Variants in CLEC7A observed in about 807,000 individuals in gnomAD.
The protein encoded by CLEC7A is C-type lectin domain family 7 member A.
A neutral mutation model predicts 26.9 loss-of-function variants in CLEC7A; 25 were observed. The ratio of observed to expected loss-of-function variants is 0.93; its 90% CI spans 0.68 to 1.30. The LOEUF is 1.30. Ranked by LOEUF, CLEC7A falls within the 50% of genes most tolerant of loss-of-function variation. The pLI is 0.00. For missense variants in CLEC7A, 275 were observed against 286.7 expected (o/e 0.96, Z 0.29); for synonymous variants, 100 against 99.5 (o/e 1.01, Z -0.03).
At position 10,123,249 on chromosome 12, in the gene CLEC7A, T is replaced by G; in HGVS notation, c.607A>C (p.Asn203His). Residue 203 changes from asparagine to histidine, a missense_variant, in exon 5 of 6, where the codon AAC (asparagine) becomes CAC (histidine). Coordinates refer to ENST00000304084, the MANE Select transcript of CLEC7A (RefSeq NM_197947.3). The part of the protein sequence containing the change: ...LWEDGSTFSS[N>H]LFQIRTTATQ... ...ATTGTCTCTCCAAACACTTACAAGT[T>G]AGAAGAGAATGTTGATCCATCCTCC... The G allele has an allele frequency of 6.3e-7, 1 of 1,585,062 alleles. No individual in the cohort carries two copies. The highest frequency in any genetic ancestry group is 1.1e-5 in the South Asian group (1 of 90,406).
Position 10,117,234 on chromosome 12 carries a change from T to A in CLEC7A, c.*1224A>T, listed in dbSNP as rs1485031773. On this transcript the variant is annotated 3_prime_UTR_variant, in exon 6 of 6. Transcript: ENST00000304084. Reference sequence around the variant, plus strand: ...GAGCAGTTTCCCTACAATTACATATTATACAAGATTCTAGGCTGGGTGCAG... The same window carrying A: ...GAGCAGTTTCCCTACAATTACATATAATACAAGATTCTAGGCTGGGTGCAG... 1 of 152,172 alleles carries A rather than the reference T, an allele frequency of 6.6e-6. No individual in the cohort carries two copies. Among genetic ancestry groups the A allele is most frequent in the Non-Finnish European group, 1.5e-5 (1 of 68,032 alleles). The allele number at this position is 152,172 out of a possible 1,614,324, so 9.4% of individuals were successfully genotyped here.
At chr12:10,128,506 G>A (rs1948382395) in intron 1 of CLEC7A, among the ~76,000 whole-genome samples, 1 of 152,152 alleles carries the variant, frequency 6.6e-6, no homozygotes, top group Non-Finnish European at 1.5e-5. Context: ...ATAGCTTAAT[G>A]TTGGGGAGAT....
At position 10,118,112 on chromosome 12, in the gene CLEC7A, A is replaced by T. The variant is rs1947964897; in HGVS notation, c.*346T>A. 4.7e-6 allele frequency: 1 copy of T among 211,026 alleles called. No individual in the cohort carries two copies. The highest frequency in any genetic ancestry group is 9.4e-6 in the Non-Finnish European group (1 of 105,980). 13.1% of individuals were successfully genotyped at this position (211,026 alleles called of 1,614,324 possible). A position where few individuals can be genotyped will look rare whatever the true frequency, so the allele number is the denominator to read the frequency against. On this transcript the variant is annotated 3_prime_UTR_variant, in exon 6 of 6. Transcript: ENST00000304084. Reference sequence around the variant, plus strand: ...CAGCTACTTGAGGGGCTGAGGCGAGAGATAGCTGCAGTGAGTCGAGATTGT... The same window carrying T: ...CAGCTACTTGAGGGGCTGAGGCGAGTGATAGCTGCAGTGAGTCGAGATTGT...
chr12:10,120,073 A>C (rs1411663713), intron 5 of CLEC7A, among the ~76,000 whole-genome samples: 9 of 151,848 alleles, frequency 5.9e-5, no homozygotes, highest in Admixed American at 5.2e-4. Context: ...TTTTAATGGT[A>C]GATTAGCCAC....
chr12:10,126,443 A>G (rs921897199), intron 3 of CLEC7A, 128 bp downstream of exon 3: 1 of 1,443,718 alleles, frequency 6.9e-7, no homozygotes, highest in Non-Finnish European at 9.1e-7. Flanking sequence ...GGTAATACTA[A>G]TATGTGTATT....
intron 4 of CLEC7A, chr12:10,125,049 A>AT (rs1565405984): frequency 2.1e-6 from 1 of 481,026 alleles, no homozygotes; most frequent in East Asian, 3.9e-5. Context: ...ATACAAAAAA[A>AT]CATTAGACGA....
At chr12:10,126,407 T>G (rs1399480141) in intron 3 of CLEC7A, 164 bp downstream of exon 3, 1 of 978,652 alleles carries the variant, frequency 1.0e-6, no homozygotes, top group Admixed American at 6.2e-5. Flanking sequence ...CCTTATTGTA[T>G]ATATGACAGG....
chr12:10,125,509 A>G (rs1331452439), intron 3 of CLEC7A, 61 bp from the exon 4 acceptor site: 5 of 1,391,080 alleles, frequency 3.6e-6, no homozygotes, highest in Non-Finnish European at 4.8e-6. Flanking sequence ...TTTTAGTGTG[A>G]ACACCATTCA....
intron 5 of CLEC7A, among the ~76,000 whole-genome samples, chr12:10,121,546 AAAAC>A (rs1285556579): frequency 1.3e-5 from 2 of 152,210 alleles, no homozygotes; most frequent in African/African-American, 4.8e-5. Flanking sequence ...CCTGAAACCT[AAAAC>A]AAAGAGATAA....
intron 1 of CLEC7A, among the ~76,000 whole-genome samples, chr12:10,129,605 T>C (rs1948421486): frequency 1.3e-5 from 2 of 152,060 alleles, no homozygotes; most frequent in African/African-American, 4.8e-5. Flanking sequence ...CTTATATCTT[T>C]TTGTTTTGTT....
chr12:10,126,724 A>G lies in CLEC7A; in HGVS notation c.203-16T>C, dbSNP rs1041843757. ...CTCCAAATAGCTTCACATACCAACA[A>G]TAATAATAGTGACAGAAAAAATGTC... On this transcript the variant is annotated splice_polypyrimidine_tract_variant and intron_variant, in intron 2 of 5. Coordinates refer to ENST00000304084, the MANE Select transcript of CLEC7A (RefSeq NM_197947.3). 7 of 1,586,110 alleles carry G rather than the reference A, an allele frequency of 4.4e-6. No homozygotes were observed. Among genetic ancestry groups the G allele is most frequent in the African/African-American group, 4.1e-5 (3 of 73,770 alleles).
rs748416724 is a variant in CLEC7A, at chr12:10,123,394, A to AAG, written c.493-33_493-32dup. 8.4e-4 allele frequency: 908 copies of AAG among 1,080,764 alleles called. 2 individuals are homozygous for AAG. In the African/African-American group the frequency reaches 9.6e-3, roughly 11 times the overall value. The allele number at this position is 1,080,764 out of a possible 1,614,324, so 66.9% of individuals were successfully genotyped here. On this transcript the variant is annotated intron_variant, in intron 4 of 5. Coordinates refer to ENST00000304084, the MANE Select transcript of CLEC7A (RefSeq NM_197947.3). Reference sequence around the variant, plus strand: ...ATGAAACATATACAAATATATAATAAAGAGAGAGAGAGAGAGAGAAAGAAA... The same window carrying AAG: ...ATGAAACATATACAAATATATAATAAAGAGAGAGAGAGAGAGAGAGAAAGAAA...
chr12:10,123,461 A>G, intron 4 of CLEC7A, 98 bp from the exon 5 acceptor site: 1 of 846,366 alleles, frequency 1.2e-6, no homozygotes. Context: ...TGATTGAATC[A>G]CTTTGGTAAA....
At chr12:10,121,087 A>G (rs1948069760) in intron 5 of CLEC7A, among the ~76,000 whole-genome samples, 1 of 151,456 alleles carries the variant, frequency 6.6e-6, no homozygotes. Context: ...AATAGCATAT[A>G]AATTGAGGAG....
At chr12:10,123,394 A>AAGAG (rs748416724) in intron 4 of CLEC7A, 31 bp from the exon 5 acceptor site, 20 of 1,081,970 alleles carry the variant, frequency 1.8e-5, no homozygotes, top group African/African-American at 6.8e-5. Context: ...ATATATAATA[A>AAGAG]AGAGAGAGAG....
At chr12:10,121,034 C>A (rs945951107) in intron 5 of CLEC7A, among the ~76,000 whole-genome samples, 1 of 149,508 alleles carries the variant, frequency 6.7e-6, no homozygotes, top group Non-Finnish European at 1.5e-5. Context: ...CCAGCCTGGG[C>A]GATAAAATAA....
chr12:10,127,893 G>A (rs1235601617), intron 1 of CLEC7A, 48 bp from the exon 2 acceptor site: 2 of 1,278,320 alleles, frequency 1.6e-6, no homozygotes, highest in African/African-American at 3.0e-5. Context: ...GAGAATGACG[G>A]ATGGTGGGGC....
intron 5 of CLEC7A, among the ~76,000 whole-genome samples, chr12:10,121,171 T>C (rs1430413206): frequency 6.6e-6 from 1 of 152,004 alleles, no homozygotes; most frequent in Non-Finnish European, 1.5e-5. Flanking sequence ...TCAGTTAATG[T>C]TAGTCTTTGA....
chr12:10,122,460 G>A (rs1483570358), intron 5 of CLEC7A, among the ~76,000 whole-genome samples: 1 of 150,774 alleles, frequency 6.6e-6, no homozygotes, highest in Non-Finnish European at 1.5e-5. Flanking sequence ...ACAATTCTAA[G>A]AGGAAAGCAC....
Sources: gnomAD v4.1 joint callset for allele counts (sites outside exome capture counted in the v4.1 genomes callset) on GRCh38, gnomAD v4.1.1 for gene constraint, MANE v1.5 for transcripts, NCBI Gene and HGNC (gene_info 2026-07-23, HGNC 2026-07-21) for gene names.